TUSC3: variants seen among roughly 807,000 people sequenced by gnomAD.
TUSC3 encodes tumor suppressor candidate 3, also known as dolichyl-diphosphooligosaccharide--protein glycosyltransferase subunit TUSC3.
In TUSC3, 45 loss-of-function variants were observed where a neutral mutation model predicts 44.8. The ratio of observed to expected loss-of-function variants is 1.00; its 90% confidence interval spans 0.79 to 1.29. TUSC3 has a LOEUF of 1.29. TUSC3 is among the 50% of genes most tolerant of loss of function. The pLI, the probability that TUSC3 is intolerant of heterozygous loss-of-function variation, is 0.00. For missense variants in TUSC3, 519 were observed against 437.9 expected (o/e 1.19, Z -1.65); for synonymous variants, 212 against 152.9 (o/e 1.39, Z -2.85).
chr8:15,485,939 C>A (rs768868804), intron 2 of TUSC3, among the ~76,000 whole-genome samples: 3 of 151,960 alleles, frequency 2.0e-5, no homozygotes, highest in Non-Finnish European at 4.4e-5. Flanking sequence ...TACAGGTGCC[C>A]ACCACCAAGC....
rs1398816120 is a variant in TUSC3 at position 15,648,938 on chromosome 8, A to G, written c.309-1759A>G. On this transcript the variant is annotated intron_variant, in intron 2 of 10. Coordinates refer to ENST00000503731, the MANE Select transcript of TUSC3 (RefSeq NM_006765.4). ...AACTAATGAAAATGAAAATGAACTA[A>G]TAAAGTCCCTTTTCTCTGACCCAGG... 4.6e-5 allele frequency among the ~76,000 whole-genome samples: 7 copies of G among 151,996 alleles called. No individual in the cohort carries two copies. In the South Asian group the frequency reaches 8.3e-4, roughly 18 times the overall value.
At chr8:15,674,295 G>T (rs955758548) in intron 6 of TUSC3, among the ~76,000 whole-genome samples, 3 of 151,960 alleles carry the variant, frequency 2.0e-5, no homozygotes, top group Admixed American at 6.6e-5. Context: ...AAGTGAAATT[G>T]ATATGTTGTT....
chr8:15,649,227 T>G (rs1177107626), intron 2 of TUSC3, among the ~76,000 whole-genome samples: 2 of 151,876 alleles, frequency 1.3e-5, no homozygotes. Flanking sequence ...TTCGTTGCGG[T>G]GGGGATGAAG....
intron 1 of TUSC3, among the ~76,000 whole-genome samples, chr8:15,548,110 A>G (rs374036260): frequency 6.6e-6 from 1 of 151,694 alleles, no homozygotes; most frequent in East Asian, 2.0e-4. Context: ...TCCAGCACCC[A>G]GACCTGTGAG....
intron 6 of TUSC3, chr8:15,689,290 TG>T: frequency 3.0e-6 from 1 of 333,732 alleles, no homozygotes; most frequent in Non-Finnish European, 5.9e-6. Flanking sequence ...AATTGTCTCT[TG>T]GACCATTACT....
chr8:15,439,631 A>G (rs966349403), intron 1 of TUSC3, among the ~76,000 whole-genome samples: 11 of 152,238 alleles, frequency 7.2e-5, no homozygotes, highest in African/African-American at 2.4e-4. Context: ...GTGTTTTAAC[A>G]AAGTTAGATT....
At chr8:15,695,268 G>T (rs1467218005) in intron 6 of TUSC3, among the ~76,000 whole-genome samples, 2 of 152,188 alleles carry the variant, frequency 1.3e-5, no homozygotes, top group Admixed American at 6.5e-5. Flanking sequence ...AATCATGGGG[G>T]TAGGTCTTTA....
chr8:15,647,290 G>A (rs1806675454), intron 2 of TUSC3, among the ~76,000 whole-genome samples: 2 of 151,878 alleles, frequency 1.3e-5, no homozygotes, highest in South Asian at 2.1e-4. Flanking sequence ...CCCCTGACCC[G>A]CTCAAAAGAA....
intron 1 of TUSC3, among the ~76,000 whole-genome samples, chr8:15,545,976 C>T (rs960800097): frequency 6.6e-6 from 1 of 151,738 alleles, no homozygotes; most frequent in African/African-American, 2.4e-5. Flanking sequence ...AGAATTCCTC[C>T]TGGAGTATCA....
At chr8:15,762,915 G>C (rs1423767322) in intron 10 of TUSC3, among the ~76,000 whole-genome samples, 1 of 152,054 alleles carries the variant, frequency 6.6e-6, no homozygotes, top group Admixed American at 6.6e-5. Flanking sequence ...TCTTCATGGA[G>C]ATGGTCACCC....
At chr8:15,668,548 GA>G (rs1414505102) in intron 5 of TUSC3, among the ~76,000 whole-genome samples, 1 of 151,738 alleles carries the variant, frequency 6.6e-6, no homozygotes, top group African/African-American at 2.4e-5. Context: ...GTGTAGTGAG[GA>G]AGGTAAATCA....
At chr8:15,536,184 G>T (rs986127248), upstream of TUSC3, among the ~76,000 whole-genome samples, 4 of 152,140 alleles carry the variant, frequency 2.6e-5, no homozygotes, top group African/African-American at 9.7e-5. Context: ...CGGCATATTT[G>T]GGAAAGCAAG....
chr8:15,423,108 G>T (rs963409947), intron 1 of TUSC3, among the ~76,000 whole-genome samples: 12 of 152,070 alleles, frequency 7.9e-5, no homozygotes, highest in African/African-American at 2.9e-4. Flanking sequence ...TAAGAAAAAA[G>T]TGTTTCTTAG....
intron 1 of TUSC3, chr8:15,483,314 G>GT (rs139323625): frequency 0.39 from 84,853 of 215,542 alleles, 17,798 homozygotes; most frequent in East Asian, 0.6. Flanking sequence ...AAAAAGCACT[G>GT]TTTTTGTTGT....
At chr8:15,458,204 C>G (rs1476681881) in intron 1 of TUSC3, among the ~76,000 whole-genome samples, 1 of 152,072 alleles carries the variant, frequency 6.6e-6, no homozygotes, top group Admixed American at 6.6e-5. Context: ...GGTCAAGGCC[C>G]TAACTTTAGT....
chr8:15,605,896 T>C (rs890689194), intron 1 of TUSC3, among the ~76,000 whole-genome samples: 1 of 152,016 alleles, frequency 6.6e-6, no homozygotes, highest in Non-Finnish European at 1.5e-5. Flanking sequence ...GCTATTAGGG[T>C]GAGCTTAAGT....
chr8:15,607,332 A>G (rs1317217583), intron 1 of TUSC3, among the ~76,000 whole-genome samples: 1 of 152,176 alleles, frequency 6.6e-6, no homozygotes, highest in African/African-American at 2.4e-5. Flanking sequence ...TCAAGAATTT[A>G]TAATTTAGTG....
At chr8:15,659,770 A>C in intron 4 of TUSC3, 123 bp downstream of exon 4, 1 of 1,302,846 alleles carries the variant, frequency 7.7e-7, no homozygotes. Context: ...GCATAGAGAA[A>C]ACTGTTCGAT....
At chr8:15,740,239 C>T (rs1811131586) in intron 7 of TUSC3, among the ~76,000 whole-genome samples, 1 of 152,024 alleles carries the variant, frequency 6.6e-6, no homozygotes, top group South Asian at 2.1e-4. Flanking sequence ...TCAAAGATCT[C>T]CTTATTACCT....
Sources: gnomAD v4.1 joint callset for allele counts (sites outside exome capture counted in the v4.1 genomes callset) on GRCh38, gnomAD v4.1.1 for gene constraint, MANE v1.5 for transcripts, NCBI Gene and HGNC (gene_info 2026-07-23, HGNC 2026-07-21) for gene names.